Variants in GRM7 observed in about 807,000 individuals in gnomAD.
GRM7 encodes metabotropic glutamate receptor 7.
A neutral mutation model predicts 84.5 loss-of-function variants in GRM7; 35 were observed. The observed-to-expected ratio is 0.41, with a 90% CI of 0.32 to 0.55. The LOEUF is 0.55. GRM7 is among the 20% of genes least tolerant of loss of function. GRM7 has a pLI of 0.19. For synonymous variants in GRM7, 487 were observed against 455.1 expected, an observed-to-expected ratio of 1.07 and a Z score of -0.89; for missense variants, 1,003 against 1,194.6, an observed-to-expected ratio of 0.84 and a Z score of 2.36.
chr3:7,168,926 T>C (rs921147459), intron 2 of GRM7, among the ~76,000 whole-genome samples: 1 of 152,184 alleles, frequency 6.6e-6, no homozygotes, highest in Non-Finnish European at 1.5e-5. Context: ...AAGAAAAGAA[T>C]GAGAACAGAC....
In GRM7 at chr3:7,114,741, A is replaced by G. The variant is rs565376133; in HGVS notation, c.520-31711A>G. Among the ~76,000 whole-genome samples the G allele has an allele frequency of 8.7e-4, 133 of 152,282 alleles. 1 individual carries two copies. Among genetic ancestry groups the G allele is most frequent in the Non-Finnish European group, 1.6e-3 (110 of 68,010 alleles). On this transcript the variant is annotated intron_variant, in intron 1 of 9. Coordinates refer to ENST00000357716, the MANE Select transcript of GRM7 (RefSeq NM_000844.4). ...AGCCTGGAGTACATAGCTAATTAGA[A>G]TAAATTGGGAGTATAACATAGCAGG...
Position 7,465,747 on chromosome 3 carries a change from G to A in GRM7, c.1515+4025G>A, listed in dbSNP as rs78877287. On this transcript the variant is annotated intron_variant, in intron 7 of 9. Coordinates refer to ENST00000357716, the MANE Select transcript of GRM7 (RefSeq NM_000844.4). ...ATCATCTCAAGCAAATGAAATTTTC[G>A]AGGGCGGCTTTCTCTGTGGTCAGTA... 4.5e-3 allele frequency among the ~76,000 whole-genome samples: 689 copies of A among 152,062 alleles called. 6 individuals carry two copies. The highest frequency in any genetic ancestry group is 0.029 in the East Asian group (149 of 5,162).
chr3:7,301,756 G>A (rs78162636), intron 3 of GRM7, among the ~76,000 whole-genome samples: 15,529 of 151,266 alleles, frequency 0.1, 1,067 homozygotes, highest in Non-Finnish European at 0.16. Context: ...AAAGCCAACA[G>A]CATATAAAAA....
chr3:7,185,128 C>G (rs1559490887), intron 2 of GRM7, among the ~76,000 whole-genome samples: 1 of 152,086 alleles, frequency 6.6e-6, no homozygotes, highest in South Asian at 2.1e-4. Flanking sequence ...AGTATTTAAA[C>G]CCTGATTTCT....
At chr3:7,480,898 A>G (rs578240761) in intron 7 of GRM7, among the ~76,000 whole-genome samples, 34 of 152,328 alleles carry the variant, frequency 2.2e-4, no homozygotes, top group Non-Finnish European at 3.5e-4. Context: ...ATCTTGAAAT[A>G]AGTGCTTACC....
At chr3:7,068,439 A>G (rs1204727816) in intron 1 of GRM7, among the ~76,000 whole-genome samples, 1 of 152,082 alleles carries the variant, frequency 6.6e-6, no homozygotes, top group African/African-American at 2.4e-5. Flanking sequence ...TACGCTACAC[A>G]GCTGATTTCA....
At chr3:7,364,185 T>A (rs1369057090) in intron 4 of GRM7, among the ~76,000 whole-genome samples, 1 of 151,924 alleles carries the variant, frequency 6.6e-6, no homozygotes. Flanking sequence ...AAAAAGAATT[T>A]CCTTGTTAGA....
At chr3:7,088,894 G>A (rs1698558559) in intron 1 of GRM7, among the ~76,000 whole-genome samples, 1 of 151,954 alleles carries the variant, frequency 6.6e-6, no homozygotes, top group Non-Finnish European at 1.5e-5. Context: ...CTCTGGCAAA[G>A]AGGACATCCT....
In GRM7 at chr3:7,410,990, C is replaced by T. The variant is rs538703992; in HGVS notation, c.1034-4033C>T. On this transcript the variant is annotated intron_variant, in intron 4 of 9. Coordinates refer to ENST00000357716, the MANE Select transcript of GRM7 (RefSeq NM_000844.4). The stretch of plus-strand genomic sequence containing the variant: ...CCTCTGAAGGCTCTAGGCGGAGTAG[C>T]CTTTCCTGTTTCTTCCAGGTTCTGC... Among the ~76,000 whole-genome samples, 22 of 152,228 alleles carry T rather than the reference C, an allele frequency of 1.4e-4. No individual in the cohort carries two copies. In the South Asian group the frequency reaches 4.4e-3, roughly 30 times the overall value.
intron 1 of GRM7, among the ~76,000 whole-genome samples, chr3:7,010,883 C>CT (rs920428296): frequency 1.3e-5 from 2 of 152,154 alleles, no homozygotes; most frequent in Non-Finnish European, 1.5e-5. Context: ...GCAAACAAAT[C>CT]TTTTTTCCCC....
At chr3:7,203,655 T>C (rs2125115954) in intron 2 of GRM7, among the ~76,000 whole-genome samples, 1 of 152,320 alleles carries the variant, frequency 6.6e-6, no homozygotes, top group Admixed American at 6.5e-5. Flanking sequence ...TTTATAGTTT[T>C]TTGAGAAATC....
At chr3:7,650,698 A>C (rs902514338) in intron 8 of GRM7, among the ~76,000 whole-genome samples, 24 of 152,288 alleles carry the variant, frequency 1.6e-4, no homozygotes, top group South Asian at 2.1e-4. Flanking sequence ...AGAAAATTCA[A>C]AGTCCATAAC....
intron 9 of GRM7, among the ~76,000 whole-genome samples, chr3:7,698,476 C>T (rs3864077): frequency 0.22 from 32,929 of 152,220 alleles, 4,324 homozygotes; most frequent in East Asian, 0.61. Flanking sequence ...AGTCACACAG[C>T]TGATAAGTAG....
intron 2 of GRM7, among the ~76,000 whole-genome samples, chr3:7,232,689 C>T (rs936202315): frequency 1.3e-5 from 2 of 152,158 alleles, no homozygotes; most frequent in Non-Finnish European, 2.9e-5. Context: ...TGGTGCTTTA[C>T]AAGCTTTGAT....
intron 6 of GRM7, among the ~76,000 whole-genome samples, chr3:7,459,792 A>G (rs555640885): frequency 2.1e-4 from 32 of 152,076 alleles, no homozygotes; most frequent in East Asian, 5.8e-4. Context: ...TTACCTGGAT[A>G]TGTTTCCTGT....
chr3:7,006,742 T>C (rs1695193608), intron 1 of GRM7, among the ~76,000 whole-genome samples: 1 of 152,308 alleles, frequency 6.6e-6, no homozygotes, highest in Admixed American at 6.5e-5. Flanking sequence ...CATAGAGCTG[T>C]GTGTATAACT....
chr3:7,536,532 T>C (rs1701250695), intron 7 of GRM7, among the ~76,000 whole-genome samples: 1 of 152,176 alleles, frequency 6.6e-6, no homozygotes, highest in Non-Finnish European at 1.5e-5. Flanking sequence ...TCCCCTAATA[T>C]ATCAGGATTG....
intron 8 of GRM7, among the ~76,000 whole-genome samples, chr3:7,645,005 C>T (rs1420211436): frequency 6.6e-6 from 1 of 151,964 alleles, no homozygotes; most frequent in African/African-American, 2.4e-5. Context: ...TCTGCAGATG[C>T]CCTTTCAGCT....
chr3:7,076,766 A>G (rs1289768294), intron 1 of GRM7, among the ~76,000 whole-genome samples: 1 of 152,168 alleles, frequency 6.6e-6, no homozygotes, highest in Non-Finnish European at 1.5e-5. Flanking sequence ...CTATATAATA[A>G]AAGAAACTAT....
Sources: allele counts gnomAD v4.1 joint callset (sites outside exome capture counted in the v4.1 genomes callset), GRCh38; gene constraint gnomAD v4.1.1; transcripts MANE v1.5; gene names NCBI Gene and HGNC (gene_info 2026-07-23, HGNC 2026-07-21).